The following CDH18 variants were observed in gnomAD, a reference collection of about 807,000 sequenced individuals.
CDH18 encodes the protein cadherin-18.
CDH18 carries 31 observed loss-of-function variants against 67.9 expected under a neutral mutation model. The ratio of observed to expected loss-of-function variants is 0.46; its 90% CI spans 0.34 to 0.62. The LOEUF is 0.62. Ranked by LOEUF, CDH18 falls within the 20% of genes least tolerant of loss-of-function variation. The pLI is 0.01. For synonymous variants in CDH18, 362 were observed against 347.2 expected (o/e 1.04, Z -0.48); for missense variants, 890 against 975.5 (o/e 0.91, Z 1.17).
rs1257749965 is a variant in CDH18, at chr5:19,748,131, AAAG to A, written c.229-898_229-896del. 6.8e-4 allele frequency among the ~76,000 whole-genome samples: 98 copies of A among 144,622 alleles called. 30 individuals carry two copies. The highest frequency in any genetic ancestry group is 1.6e-3 in the South Asian group (7 of 4,456). 94.9% of individuals were successfully genotyped at this position (144,622 alleles called of 152,430 possible). ...CCATCTCAAAAAAAAAAAAAAAAAA[AAAG>A]AGTACTTTTTTAGGGATAGAGTATT... On this transcript the variant is annotated intron_variant, in intron 3 of 12. Coordinates refer to ENST00000382275, the MANE Select transcript of CDH18 (RefSeq NM_004934.5).
chr5:20,523,298 G>C lies in CDH18; in HGVS notation c.-580+52164C>G, dbSNP rs183599625. ...GCTGAGTTGACATTTTAATTGGTCTGTAAGCCTGTGAAGAGTGCTGGCTGA... is the reference window on the plus strand; with the variant it reads ...GCTGAGTTGACATTTTAATTGGTCTCTAAGCCTGTGAAGAGTGCTGGCTGA... On this transcript the variant is annotated intron_variant, in intron 1 of 14. Transcript: ENST00000507958. 1.3e-3 allele frequency among the ~76,000 whole-genome samples: 205 copies of C among 152,264 alleles called. 1 individual carries two copies. The highest frequency in any genetic ancestry group is 4.5e-3 in the African/African-American group (189 of 41,558).
At chr5:19,994,272 T>TACATATATACACACACATATAC (rs1561695010) in intron 2 of CDH18, among the ~76,000 whole-genome samples, 1 of 148,154 alleles carries the variant, frequency 6.7e-6, no homozygotes, top group African/African-American at 2.5e-5. Context: ...CATATATGTA[T>TACATATATACACACACATATAC]ACATATATAC....
At chr5:20,373,103 A>G (rs564875267) in intron 1 of CDH18, among the ~76,000 whole-genome samples, 1 of 152,240 alleles carries the variant, frequency 6.6e-6, no homozygotes, top group South Asian at 2.1e-4. Context: ...CCACTCTCCA[A>G]TCCATTTTGC....
At chr5:19,502,626 T>G in intron 11 of CDH18, 1 of 413,780 alleles carries the variant, frequency 2.4e-6, no homozygotes, top group South Asian at 7.0e-5. Context: ...TGCATTTCCT[T>G]TAGTAACTGT....
intron 1 of CDH18, among the ~76,000 whole-genome samples, chr5:20,286,586 G>C (rs755623506): frequency 4.0e-5 from 6 of 151,724 alleles, no homozygotes; most frequent in Middle Eastern, 3.4e-3. Context: ...GGGATTCCAG[G>C]TTGAAAAAAT....
At chr5:20,443,079 G>A (rs1167876227) in intron 1 of CDH18, among the ~76,000 whole-genome samples, 1 of 148,952 alleles carries the variant, frequency 6.7e-6, no homozygotes, top group Admixed American at 6.6e-5. Flanking sequence ...GCGTAGTGGC[G>A]GGCGCCTGTA....
At chr5:19,681,509 A>G (rs2150385272) in intron 5 of CDH18, among the ~76,000 whole-genome samples, 1 of 152,158 alleles carries the variant, frequency 6.6e-6, no homozygotes, top group African/African-American at 2.4e-5. Context: ...CAGTGTCTCA[A>G]AAACAACCTA....
At chr5:19,861,510 C>T (rs968849889) in intron 2 of CDH18, among the ~76,000 whole-genome samples, 1 of 152,132 alleles carries the variant, frequency 6.6e-6, no homozygotes, top group African/African-American at 2.4e-5. Context: ...AGGGAGATGA[C>T]ATCATTTGCT....
intron 11 of CDH18, among the ~76,000 whole-genome samples, chr5:19,493,501 G>A (rs1741802489): frequency 6.6e-6 from 1 of 151,670 alleles, no homozygotes; most frequent in African/African-American, 2.4e-5. Context: ...GTACATGCTG[G>A]ACAGATAGCT....
intron 5 of CDH18, among the ~76,000 whole-genome samples, chr5:19,660,674 A>T (rs1218828840): frequency 6.6e-6 from 1 of 152,126 alleles, no homozygotes; most frequent in Non-Finnish European, 1.5e-5. Flanking sequence ...AATCGTAGGG[A>T]AAATTATCAA....
At chr5:20,154,913 A>G (rs1751406593) in intron 2 of CDH18, among the ~76,000 whole-genome samples, 2 of 152,126 alleles carry the variant, frequency 1.3e-5, no homozygotes, top group African/African-American at 4.8e-5. Context: ...GCTCTTCTGC[A>G]AACTTGAAGA....
intron 2 of CDH18, among the ~76,000 whole-genome samples, chr5:20,242,611 A>AAATAT (rs1554106655): frequency 2.8e-4 from 11 of 39,470 alleles, no homozygotes; most frequent in South Asian, 8.6e-4. Context: ...AAAAAAAAAA[A>AAATAT]ATATATATAT....
intron 1 of CDH18, among the ~76,000 whole-genome samples, chr5:20,372,752 A>G (rs1743106336): frequency 6.6e-6 from 1 of 152,212 alleles, no homozygotes; most frequent in South Asian, 2.1e-4. Flanking sequence ...GAGAAATTGT[A>G]CAGGTTTTCC....
chr5:19,708,377 G>A (rs1486220245), intron 5 of CDH18, among the ~76,000 whole-genome samples: 3 of 152,108 alleles, frequency 2.0e-5, no homozygotes, highest in Non-Finnish European at 4.4e-5. Context: ...ATACTCTGCA[G>A]ATGTGGATCG....
intron 3 of CDH18, among the ~76,000 whole-genome samples, chr5:19,748,157 A>AT (rs1200762829): frequency 1.5e-5 from 2 of 134,226 alleles, no homozygotes; most frequent in African/African-American, 2.6e-5. Flanking sequence ...GGGATAGAGT[A>AT]TTTTTTTAGT....
At chr5:19,574,807 C>A (rs2149954370) in intron 7 of CDH18, among the ~76,000 whole-genome samples, 1 of 151,764 alleles carries the variant, frequency 6.6e-6, no homozygotes, top group East Asian at 2.0e-4. Flanking sequence ...CTTTGGGAGG[C>A]CGAGGTGGGC....
rs1332432199 is a variant in CDH18 at position 20,119,942 on chromosome 5, C to CTA, written c.-517-127930_-517-127929dup. On this transcript the variant is annotated intron_variant, in intron 2 of 14. Coordinates refer to the CDH18 transcript ENST00000507958. ...ACTTAAAATATAAATATAAATAAAT[C>CTA]TATATTTTATCACTATACTCATAAT... is the stretch of plus-strand genomic sequence containing the variant. 3.3e-5 allele frequency among the ~76,000 whole-genome samples: 5 copies of CTA among 151,702 alleles called. 1 individual carries two copies. The highest frequency in any genetic ancestry group is 7.4e-5 in the Non-Finnish European group (5 of 67,894).
At position 19,837,451 on chromosome 5, in the gene CDH18, A is replaced by C. The variant is rs987595829; in HGVS notation, c.228+1308T>G. ...GATTTTGAAGTTCATAACCCAGGTAAATTTCTACTAATCTAATATATTATG... is the reference window on the plus strand; with the variant it reads ...GATTTTGAAGTTCATAACCCAGGTACATTTCTACTAATCTAATATATTATG... On this transcript the variant is annotated intron_variant, in intron 3 of 12. Coordinates refer to ENST00000382275, the MANE Select transcript of CDH18 (RefSeq NM_004934.5). Among the ~76,000 whole-genome samples, 3 of 152,122 alleles carry C rather than the reference A, an allele frequency of 2.0e-5. No individual in the cohort carries two copies. In the South Asian group the frequency reaches 6.2e-4, roughly 32 times the overall value.
intron 2 of CDH18, among the ~76,000 whole-genome samples, chr5:20,152,946 T>A (rs1162138235): frequency 1.3e-5 from 2 of 150,592 alleles, no homozygotes; most frequent in Admixed American, 6.6e-5. Context: ...GGAATTTTTT[T>A]TTTTTTTTTT....
Sources: allele counts gnomAD v4.1 joint callset (sites outside exome capture counted in the v4.1 genomes callset), GRCh38; gene constraint gnomAD v4.1.1; transcripts MANE v1.5; gene names NCBI Gene and HGNC (gene_info 2026-07-23, HGNC 2026-07-21).